Variants in GATA4 observed in about 807,000 individuals in gnomAD.
GATA4 encodes the protein GATA binding protein 4, also known as transcription factor GATA-4.
GATA4 carries 7 observed loss-of-function variants against 37.9 expected under a neutral mutation model. The ratio of observed to expected loss-of-function variants is 0.18; its 90% CI spans 0.11 to 0.35. GATA4 has a LOEUF of 0.35. Ranked by LOEUF, GATA4 falls within the 10% of genes least tolerant of loss-of-function variation. GATA4 has a pLI of 1.00. For synonymous variants in GATA4, 372 were observed against 292.6 expected, an observed-to-expected ratio of 1.27 and a Z score of -2.77; for missense variants, 647 against 653.0, an observed-to-expected ratio of 0.99 and a Z score of 0.10.
intron 2 of GATA4, among the ~76,000 whole-genome samples, chr8:11,722,125 G>T (rs1800703832): frequency 6.6e-6 from 1 of 152,062 alleles, no homozygotes; most frequent in Non-Finnish European, 1.5e-5. Context: ...CAGGATTACT[G>T]GTGTGAACCA....
At chr8:11,743,224 C>G (rs549633207) in intron 2 of GATA4, among the ~76,000 whole-genome samples, 1 of 152,386 alleles carries the variant, frequency 6.6e-6, no homozygotes, top group African/African-American at 2.4e-5. Context: ...GCATCCCCAG[C>G]TAGACCAAAA....
intron 2 of GATA4, among the ~76,000 whole-genome samples, chr8:11,715,891 G>A (rs1800414874): frequency 6.6e-6 from 1 of 152,092 alleles, no homozygotes; most frequent in African/African-American, 2.4e-5. Flanking sequence ...ACCAGCCCCT[G>A]GTAACCCCCA....
chr8:11,728,037 C>A (rs1433232109), intron 2 of GATA4, among the ~76,000 whole-genome samples: 4 of 152,210 alleles, frequency 2.6e-5, no homozygotes, highest in African/African-American at 9.7e-5. Context: ...GTTGCCCAGG[C>A]TGGAGTGCAG....
At chr8:11,687,201 G>C (rs1041491098) in intron 1 of GATA4, among the ~76,000 whole-genome samples, 2 of 152,130 alleles carry the variant, frequency 1.3e-5, no homozygotes, top group Non-Finnish European at 2.9e-5. Flanking sequence ...TTCTCTGCTA[G>C]CTAGGCATTC....
At chr8:11,751,532 T>A (rs1283441888) in intron 4 of GATA4, among the ~76,000 whole-genome samples, 1 of 152,192 alleles carries the variant, frequency 6.6e-6, no homozygotes, top group Non-Finnish European at 1.5e-5. Flanking sequence ...ACGGGACATA[T>A]GCAAGTCTTA....
intron 5 of GATA4, among the ~76,000 whole-genome samples, chr8:11,755,948 G>A (rs1056528013): frequency 6.7e-6 from 1 of 149,850 alleles, no homozygotes; most frequent in Non-Finnish European, 1.5e-5. Context: ...AAGAACGAGG[G>A]CTGTTCTTTT....
chr8:11,742,502 G>T lies in GATA4; in HGVS notation c.617-6414G>T, dbSNP rs73539813. On this transcript the variant is annotated intron_variant, in intron 2 of 6. Transcript: ENST00000532059. ...TGTCACTCCAGCCAGCTGACGTCCT[G>T]GGTTCTTGTCCTTTATAAGGGTCAG... Among the ~76,000 whole-genome samples the T allele has an allele frequency of 8.5e-3, 1,295 of 152,018 alleles. 17 individuals carry two copies. Among genetic ancestry groups the T allele is most frequent in the African/African-American group, 0.029 (1,185 of 41,462 alleles).
At chr8:11,747,554 G>A (rs369900896) in intron 2 of GATA4, among the ~76,000 whole-genome samples, 55 of 152,238 alleles carry the variant, frequency 3.6e-4, no homozygotes, top group African/African-American at 1.3e-3. Flanking sequence ...GCCCATACAG[G>A]TATATTAAAA....
intron 2 of GATA4, among the ~76,000 whole-genome samples, chr8:11,724,513 T>C (rs1033510777): frequency 6.6e-6 from 1 of 152,240 alleles, no homozygotes. Context: ...CATAACATCC[T>C]CATCTCTGAG....
At chr8:11,690,064 C>A (rs1170258243), upstream of GATA4, among the ~76,000 whole-genome samples, 1 of 152,178 alleles carries the variant, frequency 6.6e-6, no homozygotes, top group Non-Finnish European at 1.5e-5. Flanking sequence ...CTTGCAATAC[C>A]AGGGCTCCAC....
At chr8:11,751,185 C>T (rs1802285680) in intron 4 of GATA4, among the ~76,000 whole-genome samples, 1 of 152,084 alleles carries the variant, frequency 6.6e-6, no homozygotes, top group Non-Finnish European at 1.5e-5. Context: ...CACACAGTAT[C>T]AGAAAAAGGG....
intron 2 of GATA4, among the ~76,000 whole-genome samples, chr8:11,727,403 A>G (rs1040977911): frequency 9.9e-5 from 15 of 152,214 alleles, no homozygotes; most frequent in African/African-American, 3.6e-4. Flanking sequence ...GGGGGAGCCC[A>G]TTAGCCAGAC....
In GATA4 at chr8:11,749,544, C is replaced by T. The variant is rs764195554; in HGVS notation, c.786+459C>T. ...AGTGCAAGCAGCTTGTGTTGGGCCCCGTGGCTAGGGAAGAGTTTGGGCCTG... is the reference window on the plus strand; with the variant it reads ...AGTGCAAGCAGCTTGTGTTGGGCCCTGTGGCTAGGGAAGAGTTTGGGCCTG... On this transcript the variant is annotated intron_variant, in intron 3 of 6. Coordinates refer to ENST00000532059, the MANE Select transcript of GATA4 (RefSeq NM_001308093.3). This position sits in a 1 kb window ranked among gnomAD's most constrained non-coding sequence, Gnocchi z 4.6. 1.1e-4 allele frequency among the ~76,000 whole-genome samples: 16 copies of T among 152,312 alleles called. No homozygotes were observed. The highest frequency in any genetic ancestry group is 2.6e-4 in the African/African-American group (11 of 41,564).
At chr8:11,745,200 T>C (rs998082402) in intron 2 of GATA4, among the ~76,000 whole-genome samples, 2 of 152,152 alleles carry the variant, frequency 1.3e-5, no homozygotes, top group Non-Finnish European at 2.9e-5. Context: ...TGTGTTGGGC[T>C]CTCAAGGCAG....
At chr8:11,681,032 G>T (rs1798952990) in intron 1 of GATA4, 1 of 940,092 alleles carries the variant, frequency 1.1e-6, no homozygotes, top group South Asian at 4.9e-5. Flanking sequence ...AGGCTGCAAA[G>T]CACAGATCTA....
intron 2 of GATA4, among the ~76,000 whole-genome samples, chr8:11,719,126 C>T (rs1585619660): frequency 1.3e-5 from 2 of 151,932 alleles, no homozygotes; most frequent in African/African-American, 4.8e-5. Flanking sequence ...GTTTTATCAG[C>T]TTGGGTTGAA....
At chr8:11,714,443 T>C (rs958202581) in intron 2 of GATA4, among the ~76,000 whole-genome samples, 1 of 152,226 alleles carries the variant, frequency 6.6e-6, no homozygotes, top group Non-Finnish European at 1.5e-5. Flanking sequence ...CGCTAGTGGC[T>C]TTCAAAGCCG....
intron 2 of GATA4, among the ~76,000 whole-genome samples, chr8:11,728,238 CTTGACCTCCCAAAGTGT>C (rs1801032206): frequency 6.6e-6 from 1 of 152,256 alleles, no homozygotes; most frequent in Admixed American, 6.5e-5. Flanking sequence ...ATCCACCGCC[CTTGACCTCCCAAAGTGT>C]TGGGATTACA....
At chr8:11,753,914 A>G (rs553282090) in intron 4 of GATA4, among the ~76,000 whole-genome samples, 173 of 151,922 alleles carry the variant, frequency 1.1e-3, no homozygotes, top group African/African-American at 3.7e-3. Flanking sequence ...AGATGTGGGG[A>G]AGGCACCCTG....
Sources: gnomAD v4.1 joint callset for allele counts (sites outside exome capture counted in the v4.1 genomes callset) on GRCh38, gnomAD v4.1.1 for gene constraint, Gnocchi (gnomAD v3.1) non-coding constraint, MANE v1.5 for transcripts, NCBI Gene and HGNC (gene_info 2026-07-23, HGNC 2026-07-21) for gene names.